The following CCNY variants were observed in gnomAD, a reference collection of about 807,000 sequenced individuals.
The protein encoded by CCNY is cyclin-Y.
In CCNY, 19 loss-of-function variants were observed where a neutral mutation model predicts 42.8. That is an observed-to-expected ratio of 0.44 (90% CI 0.31 to 0.65). CCNY has a LOEUF of 0.65. Among genes scored for constraint, CCNY ranks in the 30% least tolerant of loss-of-function variants. The pLI, the probability that CCNY is intolerant of heterozygous loss-of-function variation, is 0.07. For synonymous variants in CCNY, 165 were observed against 162.7 expected (o/e 1.01, Z -0.11); for missense variants, 370 against 437.3 (o/e 0.85, Z 1.37).
rs914124962 is a variant in CCNY at position 35,530,568 on chromosome 10, C to T, written c.579+325C>T. Among the ~76,000 whole-genome samples the T allele has an allele frequency of 2.0e-5, 3 of 152,106 alleles. No homozygotes were observed. The highest frequency in any genetic ancestry group is 3.9e-4 in the East Asian group (2 of 5,192). On this transcript the variant is annotated intron_variant, in intron 7 of 9. Transcript: ENST00000374704. The surrounding 1 kb of genome is among the most constrained non-coding windows in gnomAD (Gnocchi z 4.3). Reference sequence around the variant, plus strand: ...ATATGGCCAAGGTACTCCCTGTATACGTCTAGGTTTCCTGGTGTTGATTCC... The same window carrying T: ...ATATGGCCAAGGTACTCCCTGTATATGTCTAGGTTTCCTGGTGTTGATTCC...
At chr10:35,516,398 G>T in intron 3 of CCNY, 125 bp from the exon 4 acceptor site, 1 of 695,638 alleles carries the variant, frequency 1.4e-6, no homozygotes, top group Non-Finnish European at 2.6e-6. Flanking sequence ...TGGTGGTAAT[G>T]TTGACATTTC....
intron 3 of CCNY, among the ~76,000 whole-genome samples, chr10:35,253,944 C>T (rs545586848): frequency 5.5e-5 from 8 of 144,482 alleles, no homozygotes; most frequent in South Asian, 2.2e-4. Flanking sequence ...GGTGTGATCT[C>T]GGCTCACTGC....
At chr10:35,431,985 T>G (rs1693129592) in intron 1 of CCNY, among the ~76,000 whole-genome samples, 1 of 152,236 alleles carries the variant, frequency 6.6e-6, no homozygotes, top group Non-Finnish European at 1.5e-5. Flanking sequence ...AGAAAAATTA[T>G]GGTTCATTTT....
At chr10:35,444,312 A>C (rs982177660) in intron 1 of CCNY, among the ~76,000 whole-genome samples, 2 of 144,514 alleles carry the variant, frequency 1.4e-5, no homozygotes, top group Non-Finnish European at 3.0e-5. Context: ...GCAGTGCGTG[A>C]TCTTGGCTCA....
intron 4 of CCNY, among the ~76,000 whole-genome samples, chr10:35,521,690 C>T (rs1389806092): frequency 6.6e-6 from 1 of 152,142 alleles, no homozygotes; most frequent in Non-Finnish European, 1.5e-5. Flanking sequence ...ATAAACAAGG[C>T]ACAGGCTTTG....
intron 1 of CCNY, among the ~76,000 whole-genome samples, chr10:35,419,519 G>A (rs936168061): frequency 7.6e-6 from 1 of 130,778 alleles, no homozygotes; most frequent in African/African-American, 3.5e-5. Context: ...GGACTGGGTT[G>A]CATTAGACCG....
intron 1 of CCNY, among the ~76,000 whole-genome samples, chr10:35,343,688 C>A (rs915999999): frequency 2.6e-5 from 4 of 152,186 alleles, no homozygotes; most frequent in African/African-American, 9.7e-5. Context: ...CAGTCTCCGG[C>A]CTGATGGTCT....
At chr10:35,545,533 C>G (rs1047373692) in intron 7 of CCNY, among the ~76,000 whole-genome samples, 1 of 152,186 alleles carries the variant, frequency 6.6e-6, no homozygotes, top group Admixed American at 6.5e-5. Context: ...TGTAAGGGCC[C>G]CAATCATATT....
intron 1 of CCNY, among the ~76,000 whole-genome samples, chr10:35,398,538 G>C (rs1388692926): frequency 2.0e-5 from 3 of 152,074 alleles, no homozygotes; most frequent in Non-Finnish European, 4.4e-5. Flanking sequence ...GGGACCAACA[G>C]CTGTGTGTGA....
chr10:35,397,517 T>C (rs1018446331), intron 1 of CCNY, among the ~76,000 whole-genome samples: 118 of 152,288 alleles, frequency 7.7e-4, no homozygotes, highest in Middle Eastern at 3.4e-3. Flanking sequence ...TTTCCCTCTT[T>C]GGCCCTGGAT....
rs55844088 is a variant in CCNY at position 35,430,923 on chromosome 10, C to A, written c.155-52481C>A. Among the ~76,000 whole-genome samples the A allele has an allele frequency of 2.9e-3, 439 of 152,118 alleles. 1 individual carries two copies. Among genetic ancestry groups the A allele is most frequent in the South Asian group, 0.013 (61 of 4,816 alleles). On this transcript the variant is annotated intron_variant, in intron 1 of 9. Transcript: ENST00000374704. Reference sequence around the variant, plus strand: ...CACAAGGTCAAGAGATCGAGACCATCCTGGCCAACATGGTGAAACCCCATC... The same window carrying A: ...CACAAGGTCAAGAGATCGAGACCATACTGGCCAACATGGTGAAACCCCATC...
intron 3 of CCNY, among the ~76,000 whole-genome samples, chr10:35,292,788 T>TTG (rs1461341947): frequency 1.4e-5 from 2 of 147,496 alleles, no homozygotes; most frequent in African/African-American, 5.0e-5. Flanking sequence ...TTTGTTTTTT[T>TTG]TTTTTTTTTT....
chr10:35,444,105 A>G (rs954993937), intron 1 of CCNY, among the ~76,000 whole-genome samples: 5 of 152,214 alleles, frequency 3.3e-5, no homozygotes, highest in South Asian at 4.1e-4. Flanking sequence ...TTTCTGCGAC[A>G]TTGAATACCC....
intron 1 of CCNY, among the ~76,000 whole-genome samples, chr10:35,473,803 C>T (rs1036244319): frequency 8.6e-5 from 13 of 152,000 alleles, no homozygotes; most frequent in South Asian, 6.2e-4. Flanking sequence ...CCAAGATGGC[C>T]GAATAGGAAC....
chr10:35,442,326 A>C (rs1029366479), intron 1 of CCNY, among the ~76,000 whole-genome samples: 3 of 152,256 alleles, frequency 2.0e-5, no homozygotes, highest in Admixed American at 2.0e-4. Context: ...AAGCAGAAGC[A>C]ATGTGAGTCA....
At position 35,282,609 on chromosome 10, in the gene CCNY, GC is replaced by G. The variant is rs1428405051; in HGVS notation, c.-9+31984del. ...GGGCGTGGTGGCAGGTGCCTCCCAA[GC>G]TACTTGGGAGGCTGAGGCAGGAAAA... On this transcript the variant is annotated intron_variant, in intron 3 of 11. Transcript: ENST00000374706. Among the ~76,000 whole-genome samples the G allele has an allele frequency of 2.0e-5, 3 of 151,172 alleles. No individual in the cohort carries two copies. In the East Asian group the frequency reaches 5.9e-4, roughly 29 times the overall value.
At chr10:35,290,265 A>AC (rs1405052578) in intron 3 of CCNY, among the ~76,000 whole-genome samples, 37 of 50,150 alleles carry the variant, frequency 7.4e-4, no homozygotes, top group African/African-American at 2.5e-3. Flanking sequence ...CACACACACA[A>AC]AATTAGCTGG....
chr10:35,499,030 T>C (rs1335388568), intron 2 of CCNY, among the ~76,000 whole-genome samples: 1 of 152,214 alleles, frequency 6.6e-6, no homozygotes, highest in Non-Finnish European at 1.5e-5. Context: ...TTGGAGTTCA[T>C]GAAAATAGCC....
intron 1 of CCNY, among the ~76,000 whole-genome samples, chr10:35,433,664 T>C (rs954648665): frequency 6.6e-6 from 1 of 152,192 alleles, no homozygotes; most frequent in Non-Finnish European, 1.5e-5. Context: ...CAGGCTGGAG[T>C]ACAGTGGTGC....
Sources: allele counts gnomAD v4.1 joint callset (sites outside exome capture counted in the v4.1 genomes callset), GRCh38; gene constraint gnomAD v4.1.1; non-coding constraint Gnocchi (gnomAD v3.1); transcripts MANE v1.5; gene names NCBI Gene and HGNC (gene_info 2026-07-23, HGNC 2026-07-21).